Variants in WNK3 observed in about 807,000 individuals in gnomAD.
WNK3 encodes the protein WNK lysine deficient protein kinase 3.
Under a neutral mutation model 116.7 loss-of-function variants are expected in WNK3, and 18 were observed. The observed-to-expected ratio is 0.15, with a 90% confidence interval of 0.11 to 0.23. The LOEUF is 0.23. Among genes scored for constraint, WNK3 ranks in the 10% least tolerant of loss-of-function variants. The probability of loss-of-function intolerance (pLI) is 1.00; values close to 1 mark genes in which losing one functional copy is unlikely to be tolerated. For synonymous variants in WNK3, 404 were observed against 469.4 expected (o/e 0.86, Z 1.80); for missense variants, 993 against 1,323.8 (o/e 0.75, Z 3.88).
rs201264280 is a variant in WNK3, at chrX:54,213,568, AC to A, written c.4871-11376del. ...GACTCCGTCTCAAAAAAAAAAACAA[AC>A]AAAAAAAAAAAAACTAGGGGAAAAA... is the stretch of plus-strand genomic sequence containing the variant. On this transcript the variant is annotated intron_variant, in intron 22 of 23. Coordinates refer to ENST00000354646, the Ensembl canonical transcript of WNK3. Among the ~76,000 whole-genome samples the A allele has an allele frequency of 1.4e-3, 127 of 87,960 alleles. 10 individuals carry two copies. The highest frequency in any genetic ancestry group is 2.8e-3 in the East Asian group (9 of 3,224). The allele number at this position is 87,960 out of a possible 115,157, so 76.4% of individuals were successfully genotyped here.
chrX:54,316,280 C>T (rs1312025611), intron 2 of WNK3, among the ~76,000 whole-genome samples: 3 of 110,142 alleles, frequency 2.7e-5, no homozygotes, highest in Admixed American at 9.9e-5. Flanking sequence ...GGCTCATGCC[C>T]GTAACCCCAG....
chrX:54,264,074 C>A (rs782710450), intron 10 of WNK3, among the ~76,000 whole-genome samples: 110 of 107,373 alleles, frequency 1.0e-3, no homozygotes, highest in Non-Finnish European at 1.9e-3. Flanking sequence ...TGGCTCATGC[C>A]TATAATCCAG....
chrX:54,336,669 C>T (rs781786764), intron 1 of WNK3, among the ~76,000 whole-genome samples: 26 of 111,015 alleles, frequency 2.3e-4, no homozygotes, highest in Admixed American at 2.2e-3. Flanking sequence ...GACTTCTATG[C>T]CATACAATGT....
rs782229094 is a variant in WNK3 at position 54,252,065 on chromosome X, CA to C, written c.2368-379del. On this transcript the variant is annotated intron_variant, in intron 13 of 23. Transcript: ENST00000354646. Reference sequence around the variant, plus strand: ...GGGCAACAAGAGCAAAACTCTGTCTCAAAAAAAAAAAAAAAAAGAAAAGAAA... The same window carrying C: ...GGGCAACAAGAGCAAAACTCTGTCTCAAAAAAAAAAAAAAAAGAAAAGAAA... 4.9e-3 allele frequency among the ~76,000 whole-genome samples: 145 copies of C among 29,896 alleles called. 1 individual carries two copies. The highest frequency in any genetic ancestry group is 6.9e-3 in the Admixed American group (17 of 2,457). 26.0% of individuals were successfully genotyped at this position (29,896 alleles called of 115,157 possible).
At chrX:54,250,166 G>A in intron 15 of WNK3, 35 bp from the exon 16 acceptor site, 1 of 1,130,363 alleles carries the variant, frequency 8.8e-7, no homozygotes, top group Non-Finnish European at 1.2e-6. Flanking sequence ...AATATGCTAA[G>A]CTATTTTCAA....
chrX:54,221,138 T>C (rs1454695692), intron 22 of WNK3, among the ~76,000 whole-genome samples: 2 of 111,945 alleles, frequency 1.8e-5, no homozygotes, highest in East Asian at 2.8e-4. Flanking sequence ...AAAATAAAAA[T>C]AGAAACACTT....
chrX:54,313,932 C>T (rs1342745593), intron 2 of WNK3, among the ~76,000 whole-genome samples: 1 of 109,620 alleles, frequency 9.1e-6, no homozygotes, highest in East Asian at 2.9e-4. Flanking sequence ...TGGCTTACAC[C>T]TGTAATCCCA....
At chrX:54,329,933 T>C (rs1238216798) in intron 2 of WNK3, among the ~76,000 whole-genome samples, 3 of 111,790 alleles carry the variant, frequency 2.7e-5, no homozygotes, top group African/African-American at 9.7e-5. Context: ...GTTATAATAG[T>C]AAAATAGTAG....
chrX:54,295,568 T>C (rs1241120965), intron 7 of WNK3, among the ~76,000 whole-genome samples: 1 of 112,259 alleles, frequency 8.9e-6, no homozygotes, highest in Non-Finnish European at 1.9e-5. Flanking sequence ...GAGCACACTA[T>C]CAGGTGGTGT....
At chrX:54,236,692 G>T (rs2067965309) in intron 20 of WNK3, among the ~76,000 whole-genome samples, 1 of 111,762 alleles carries the variant, frequency 8.9e-6, no homozygotes, top group Admixed American at 9.6e-5. Flanking sequence ...GAAGAATAAG[G>T]ATTGTAAAGG....
chrX:54,329,661 A>T (rs1366176901), intron 2 of WNK3, among the ~76,000 whole-genome samples: 1 of 109,696 alleles, frequency 9.1e-6, no homozygotes, highest in Non-Finnish European at 1.9e-5. Context: ...AAAAAAAAAA[A>T]GTCAGTATCC....
intron 22 of WNK3, among the ~76,000 whole-genome samples, chrX:54,211,334 C>T (rs1317008738): frequency 9.3e-6 from 1 of 107,126 alleles, no homozygotes; most frequent in Non-Finnish European, 1.9e-5. Context: ...CCAAGCTACT[C>T]GGGAGACTGA....
At chrX:54,326,927 A>G in intron 2 of WNK3, among the ~76,000 whole-genome samples, 2 of 111,151 alleles carry the variant, frequency 1.8e-5, no homozygotes, top group Middle Eastern at 9.2e-3. Flanking sequence ...CAGAGGTTGC[A>G]GTGAGCCGAG....
rs377009916 is a variant in WNK3, at chrX:54,232,929, T to A, written c.4720A>T (p.Thr1574Ser). 1.8e-5 allele frequency: 22 copies of A among 1,208,591 alleles called. No homozygotes were observed. Among genetic ancestry groups the A allele is most frequent in the Non-Finnish European group, 2.3e-5 (21 of 894,775 alleles). ...GGCAAAGGAATCTCAGTAGATTGGGTTTTGCTATCTTTAATTGACCGAAGG... is the reference window on the plus strand; with the variant it reads ...GGCAAAGGAATCTCAGTAGATTGGGATTTGCTATCTTTAATTGACCGAAGG... Residue 1574 changes from threonine to serine, a missense_variant, in exon 21 of 24, where the codon ACC (threonine) becomes TCC (serine). Coordinates refer to ENST00000354646, the Ensembl canonical transcript of WNK3.
chrX:54,347,091 A>T (rs556862222), intron 1 of WNK3, among the ~76,000 whole-genome samples: 30 of 112,140 alleles, frequency 2.7e-4, no homozygotes, highest in African/African-American at 9.1e-4. Context: ...TCAAACCTGG[A>T]GTCTCTTACT....
At chrX:54,352,585 T>C (rs1031237456) in intron 1 of WNK3, among the ~76,000 whole-genome samples, 1 of 111,024 alleles carries the variant, frequency 9.0e-6, no homozygotes, top group African/African-American at 3.3e-5. Context: ...GAGGCTGAGG[T>C]GGGAAGATTG....
intron 10 of WNK3, among the ~76,000 whole-genome samples, chrX:54,282,985 T>C (rs2068534953): frequency 9.0e-6 from 1 of 111,699 alleles, no homozygotes; most frequent in African/African-American, 3.3e-5. Flanking sequence ...TATCAAACTT[T>C]TAAAAAAATT....
intron 16 of WNK3, 82 bp downstream of exon 16, chrX:54,249,912 T>C (rs2068111122): frequency 9.4e-7 from 1 of 1,060,483 alleles, no homozygotes; most frequent in East Asian, 3.2e-5. Context: ...AAAATTCCCA[T>C]GGAAACCAGT....
At chrX:54,293,982 G>A (rs1269163217) in intron 8 of WNK3, among the ~76,000 whole-genome samples, 5 of 111,573 alleles carry the variant, frequency 4.5e-5, no homozygotes, top group Non-Finnish European at 9.4e-5. Context: ...TTTGAGACCA[G>A]CCTGGCCAAT....
Sources: gnomAD v4.1 joint callset for allele counts (sites outside exome capture counted in the v4.1 genomes callset) on GRCh38, gnomAD v4.1.1 for gene constraint, MANE v1.5 for transcripts, NCBI Gene and HGNC (gene_info 2026-07-23, HGNC 2026-07-21) for gene names.